Variants in FAM120B observed in about 807,000 individuals in gnomAD.
FAM120B encodes constitutive coactivator of peroxisome proliferator-activated receptor gamma.
FAM120B carries 83 observed loss-of-function variants against 96.3 expected under a neutral mutation model. The ratio of observed to expected loss-of-function variants is 0.86; its 90% CI spans 0.72 to 1.03. The LOEUF is 1.03. Ranked by LOEUF, FAM120B falls within the 50% of genes least tolerant of loss-of-function variation. FAM120B has a pLI of 0.00. For synonymous variants in FAM120B, 407 were observed against 402.7 expected (o/e 1.01, Z -0.13); for missense variants, 1,027 against 1,121.2 (o/e 0.92, Z 1.20).
chr6:170,404,955 T>C lies in FAM120B; in HGVS notation c.*204T>C. ...GCTTTTGTTGGCTTCTCTCCCGAGC[T>C]TGTGCCTGATTCTGTGGCCCAAAAC... On this transcript the variant is annotated 3_prime_UTR_variant, in exon 11 of 11. Transcript: ENST00000476287. 1 of 237,648 alleles carries C rather than the reference T, an allele frequency of 4.2e-6. No homozygotes were observed. The highest frequency in any genetic ancestry group is 1.2e-4 in the South Asian group (1 of 8,394). The allele number at this position is 237,648 out of a possible 1,614,324, so 14.7% of individuals were successfully genotyped here.
At chr6:170,297,108 GCGCACC>G (rs1470552237) in intron 1 of FAM120B, among the ~76,000 whole-genome samples, 2 of 152,204 alleles carry the variant, frequency 1.3e-5, no homozygotes, top group East Asian at 1.9e-4. Context: ...GAAACGTGGC[GCGCACC>G]CGCAGGGCCT....
chr6:170,369,140 T>C (rs767345405), intron 6 of FAM120B, among the ~76,000 whole-genome samples: 1 of 149,588 alleles, frequency 6.7e-6, no homozygotes, highest in Non-Finnish European at 1.5e-5. Flanking sequence ...TGAGATAAGA[T>C]AGAAATGAAC....
chr6:170,387,723 A>G (rs1235516943), intron 6 of FAM120B, among the ~76,000 whole-genome samples: 1 of 152,264 alleles, frequency 6.6e-6, no homozygotes, highest in Non-Finnish European at 1.5e-5. Context: ...TTCTTAAATG[A>G]TAAGTGTTCA....
rs369894286 is a variant in FAM120B, at chr6:170,371,901, G to T, written c.2283+13583G>T. The stretch of plus-strand genomic sequence containing the variant: ...AAGAGATGGAAACCAAATAACCGAG[G>T]GCCTGGCTCAGGACCTTCACGCAGT... On this transcript the variant is annotated intron_variant, in intron 6 of 10. Transcript: ENST00000476287. Among the ~76,000 whole-genome samples the T allele has an allele frequency of 1.8e-4, 28 of 152,270 alleles. No homozygotes were observed. The Middle Eastern group carries it at 0.01, about 55-fold the overall frequency.
At chr6:170,390,902 G>T (rs549838052) in intron 7 of FAM120B, 111 bp from the exon 8 acceptor site, 2 of 825,554 alleles carry the variant, frequency 2.4e-6, no homozygotes, top group Non-Finnish European at 4.1e-6. Flanking sequence ...TTGCTGCCTC[G>T]CCTTGGGAAC....
intron 9 of FAM120B, among the ~76,000 whole-genome samples, chr6:170,399,157 C>G: frequency 6.9e-6 from 1 of 144,682 alleles, no homozygotes; most frequent in Non-Finnish European, 1.5e-5. Context: ...TATGTCATAA[C>G]TTAGGAGTGA....
intron 9 of FAM120B, chr6:170,404,216 C>T: frequency 7.9e-6 from 2 of 252,140 alleles, no homozygotes; most frequent in Non-Finnish European, 1.5e-5. Flanking sequence ...GCAGAACGTC[C>T]ATGGTGAGCC....
rs373909083 is a variant in FAM120B at position 170,382,161 on chromosome 6, C to T, written c.2284-6126C>T. Among the ~76,000 whole-genome samples the T allele has an allele frequency of 3.3e-5, 5 of 152,338 alleles. No individual in the cohort carries two copies. The East Asian group carries it at 7.7e-4, about 23-fold the overall frequency. ...CTAGGTGGGGTGTGGTGGCTCATGC[C>T]TGTAATCCCAGCACTTTGGGAGGCT... On this transcript the variant is annotated intron_variant, in intron 6 of 10. Transcript: ENST00000476287.
intron 3 of FAM120B, among the ~76,000 whole-genome samples, chr6:170,326,618 C>T (rs562908462): frequency 6.6e-6 from 1 of 152,170 alleles, no homozygotes; most frequent in Non-Finnish European, 1.5e-5. Flanking sequence ...TCACAACTAC[C>T]CAATCCTGCT....
At chr6:170,391,392 G>C (rs925466259) in intron 8 of FAM120B, among the ~76,000 whole-genome samples, 21 of 152,110 alleles carry the variant, frequency 1.4e-4, no homozygotes, top group Non-Finnish European at 2.4e-4. Flanking sequence ...AAAATGAACC[G>C]GGCGTGTTGG....
intron 5 of FAM120B, among the ~76,000 whole-genome samples, chr6:170,354,269 A>T (rs1787755829): frequency 6.6e-6 from 1 of 152,218 alleles, no homozygotes; most frequent in Non-Finnish European, 1.5e-5. Flanking sequence ...ACAAAAATTA[A>T]CTCAAGATGG....
At position 170,406,403 on chromosome 6, in the gene FAM120B, G is replaced by A. The variant is rs1162108411; in HGVS notation, c.*1652G>A. The A allele has an allele frequency of 6.6e-6, 1 of 152,186 alleles. No homozygotes were observed. Among genetic ancestry groups the A allele is most frequent in the African/African-American group, 2.4e-5 (1 of 41,436 alleles). The allele number at this position is 152,186 out of a possible 1,614,324, so 9.4% of individuals were successfully genotyped here. A position where few individuals can be genotyped will look rare whatever the true frequency, so the allele number is the denominator to read the frequency against. On this transcript the variant is annotated 3_prime_UTR_variant, in exon 11 of 11. Coordinates refer to ENST00000476287, the MANE Select transcript of FAM120B (RefSeq NM_032448.3). ...AGCCCCTGAACGTGCTTGCAGGCCA[G>A]TTTGTGTGCCTGCACTTGACGAATT...
intron 5 of FAM120B, among the ~76,000 whole-genome samples, chr6:170,357,337 G>A (rs887310339): frequency 6.6e-5 from 10 of 152,054 alleles, no homozygotes; most frequent in African/African-American, 2.2e-4. Flanking sequence ...GGAAGGGGTG[G>A]CACCGTCTGC....
At chr6:170,374,449 C>T (rs541195354) in intron 6 of FAM120B, among the ~76,000 whole-genome samples, 4 of 152,276 alleles carry the variant, frequency 2.6e-5, no homozygotes, top group East Asian at 1.9e-4. Flanking sequence ...CTGCCCGAGA[C>T]GAGATCTCAT....
intron 9 of FAM120B, among the ~76,000 whole-genome samples, chr6:170,400,537 A>G (rs966513316): frequency 2.6e-5 from 4 of 152,048 alleles, no homozygotes; most frequent in African/African-American, 9.7e-5. Flanking sequence ...GCCTGCCCTT[A>G]GGGGATCCCT....
intron 1 of FAM120B, among the ~76,000 whole-genome samples, chr6:170,297,720 G>C (rs978217928): frequency 1.3e-5 from 2 of 152,230 alleles, no homozygotes; most frequent in African/African-American, 4.8e-5. Flanking sequence ...CATGGGCATA[G>C]GGAGGGTATG....
intron 5 of FAM120B, among the ~76,000 whole-genome samples, chr6:170,354,863 A>G (rs1787797732): frequency 6.6e-6 from 1 of 152,210 alleles, no homozygotes; most frequent in South Asian, 2.1e-4. Context: ...CGGGAGGTGG[A>G]GCTTGCAGTG....
chr6:170,365,884 C>T (rs73249901), intron 6 of FAM120B, among the ~76,000 whole-genome samples: 22 of 152,230 alleles, frequency 1.4e-4, no homozygotes, highest in African/African-American at 3.9e-4. Flanking sequence ...AGTGTTTATC[C>T]GCCTGCCATC....
In FAM120B at chr6:170,318,940, A is replaced by G. The variant is rs1426367213; in HGVS notation, c.1550A>G (p.Lys517Arg). 8 of 1,614,072 alleles carry G rather than the reference A, an allele frequency of 5.0e-6. No individual in the cohort carries two copies. Among genetic ancestry groups the G allele is most frequent in the Non-Finnish European group, 6.8e-6 (8 of 1,180,024 alleles). Reference sequence around the variant, plus strand: ...CCCATATGTACAGATCCTATATCCAAGCAAGAAGACTCCATGTGTACACAC... The same window carrying G: ...CCCATATGTACAGATCCTATATCCAGGCAAGAAGACTCCATGTGTACACAC... ...EVPICTDPISKQEDSMCTHAE... is the reference protein window; with the variant it reads ...EVPICTDPISRQEDSMCTHAE... Residue 517 changes from lysine (K) to arginine (R), a missense_variant, in exon 2 of 11, where the codon AAG (lysine) becomes AGG (arginine). Physicochemically the swap from Lys to Arg is conservative, Grantham distance 26. Transcript: ENST00000476287.
Sources: allele counts gnomAD v4.1 joint callset (sites outside exome capture counted in the v4.1 genomes callset), GRCh38; gene constraint gnomAD v4.1.1; transcripts MANE v1.5; gene names NCBI Gene and HGNC (gene_info 2026-07-23, HGNC 2026-07-21).